The following GRIK2 variants were observed in gnomAD, a reference collection of about 807,000 sequenced individuals.
The protein encoded by GRIK2 is glutamate ionotropic receptor kainate type subunit 2.
Under a neutral mutation model 100.3 loss-of-function variants are expected in GRIK2, and 32 were observed. That is an observed-to-expected ratio of 0.32 (90% CI 0.24 to 0.43). GRIK2 has a LOEUF of 0.43. Among genes scored for constraint, GRIK2 ranks in the 20% least tolerant of loss-of-function variants. GRIK2 has a pLI of 1.00. For missense variants in GRIK2, 843 were observed against 1,114.9 expected, an observed-to-expected ratio of 0.76 and a Z score of 3.47; for synonymous variants, 417 against 389.4, an observed-to-expected ratio of 1.07 and a Z score of -0.83.
intron 2 of GRIK2, among the ~76,000 whole-genome samples, chr6:101,421,389 G>A (rs974461795): frequency 6.6e-6 from 1 of 152,212 alleles, no homozygotes; most frequent in African/African-American, 2.4e-5. Flanking sequence ...AGAGGAGGAA[G>A]CAGGGGTCAT....
At chr6:101,901,291 A>G (rs1055259953) in intron 12 of GRIK2, among the ~76,000 whole-genome samples, 24 of 151,928 alleles carry the variant, frequency 1.6e-4, no homozygotes, top group Admixed American at 1.5e-3. Flanking sequence ...GGTGTTTTAG[A>G]AAAAAAATGT....
At chr6:101,695,465 A>G (rs1035360950) in intron 7 of GRIK2, among the ~76,000 whole-genome samples, 8 of 152,260 alleles carry the variant, frequency 5.3e-5, no homozygotes, top group African/African-American at 1.9e-4. Context: ...CATAGCACGC[A>G]CTTTTGTGAA....
At chr6:101,989,704 C>A (rs1389834733) in intron 14 of GRIK2, among the ~76,000 whole-genome samples, 1 of 151,498 alleles carries the variant, frequency 6.6e-6, no homozygotes, top group East Asian at 1.9e-4. Flanking sequence ...TTGGTTTCTT[C>A]AATACACCAT....
chr6:101,909,927 TA>T (rs1788553520), intron 12 of GRIK2, among the ~76,000 whole-genome samples: 1 of 151,194 alleles, frequency 6.6e-6, no homozygotes, highest in Non-Finnish European at 1.5e-5. Flanking sequence ...AATGCAGCAC[TA>T]TCAGAAATAA....
Position 101,928,697 on chromosome 6 carries a change from C to G in GRIK2, c.2085+65C>G, listed in dbSNP as rs1258390941. On this transcript the variant is annotated intron_variant, in intron 14 of 16. Transcript: ENST00000369134. ...GATAGAGCGCAAACTTCTCTCGATT[C>G]ACAAATGTAAGAGTGTAACAACGCC... 6.2e-6 allele frequency: 5 copies of G among 805,132 alleles called. No individual in the cohort carries two copies. In the East Asian group the frequency reaches 1.2e-4, roughly 20 times the overall value. The allele number at this position is 805,132 out of a possible 1,614,324, so 49.9% of individuals were successfully genotyped here.
At chr6:102,057,037 G>A (rs1483352820) in intron 16 of GRIK2, among the ~76,000 whole-genome samples, 3 of 151,884 alleles carry the variant, frequency 2.0e-5, no homozygotes, top group Non-Finnish European at 4.4e-5. Flanking sequence ...TTTTTAAAGT[G>A]TCAAAATGAA....
intron 15 of GRIK2, among the ~76,000 whole-genome samples, chr6:102,042,838 T>TAATA (rs1770665406): frequency 6.6e-6 from 1 of 151,760 alleles, no homozygotes; most frequent in African/African-American, 2.4e-5. Context: ...TTTCATGGTT[T>TAATA]AATACTCAAG....
intron 10 of GRIK2, among the ~76,000 whole-genome samples, chr6:101,850,319 T>C (rs1784061538): frequency 6.6e-6 from 1 of 152,016 alleles, no homozygotes; most frequent in Non-Finnish European, 1.5e-5. Context: ...TGGAAGAGTG[T>C]TGGGACAGAG....
At chr6:101,530,831 G>C (rs1775405409) in intron 2 of GRIK2, among the ~76,000 whole-genome samples, 2 of 151,964 alleles carry the variant, frequency 1.3e-5, no homozygotes, top group South Asian at 4.1e-4. Context: ...GTGCAGCAGA[G>C]ACACCATAAG....
At chr6:101,988,118 TGTGTGTGTGTGTGTGCGCGC>T (rs1348653095) in intron 14 of GRIK2, among the ~76,000 whole-genome samples, 10 of 45,802 alleles carry the variant, frequency 2.2e-4, no homozygotes, top group African/African-American at 9.4e-4. Context: ...TGTGTGTGTG[TGTGTGTGTGTGTGTGCGCGC>T]GCGCGCGCGC....
intron 5 of GRIK2, among the ~76,000 whole-genome samples, chr6:101,679,767 T>C (rs1177187255): frequency 6.6e-6 from 1 of 152,158 alleles, no homozygotes; most frequent in Admixed American, 6.6e-5. Context: ...TTTGATGGAG[T>C]CTGGCTCTGT....
chr6:101,980,690 A>G (rs1793659429), intron 14 of GRIK2, among the ~76,000 whole-genome samples: 1 of 151,856 alleles, frequency 6.6e-6, no homozygotes, highest in Admixed American at 6.6e-5. Flanking sequence ...GGATTTCTAA[A>G]TATCTAATAA....
At chr6:101,443,025 C>T (rs1255722860) in intron 2 of GRIK2, among the ~76,000 whole-genome samples, 3 of 152,090 alleles carry the variant, frequency 2.0e-5, no homozygotes, top group Non-Finnish European at 4.4e-5. Flanking sequence ...CCACTACCTC[C>T]ATTTGCATCA....
chr6:101,436,554 C>T (rs185954052), intron 2 of GRIK2, among the ~76,000 whole-genome samples: 1 of 151,944 alleles, frequency 6.6e-6, no homozygotes. Context: ...TATGTTACCC[C>T]CACTCTTACT....
At chr6:101,575,218 G>T (rs1777739150) in intron 2 of GRIK2, among the ~76,000 whole-genome samples, 1 of 151,710 alleles carries the variant, frequency 6.6e-6, no homozygotes. Context: ...TGGTAACATT[G>T]TACTAAGATA....
intron 2 of GRIK2, among the ~76,000 whole-genome samples, chr6:101,439,406 T>A (rs1769921241): frequency 6.6e-6 from 1 of 152,136 alleles, no homozygotes; most frequent in Non-Finnish European, 1.5e-5. Context: ...AAGTCTTCAT[T>A]ACACAAGTAT....
At chr6:101,615,524 G>A (rs1284214946) in intron 2 of GRIK2, among the ~76,000 whole-genome samples, 1 of 151,692 alleles carries the variant, frequency 6.6e-6, no homozygotes, top group East Asian at 1.9e-4. Context: ...AGATCATATA[G>A]GTCTTATGAG....
chr6:101,776,261 C>T (rs1778740001), intron 7 of GRIK2, among the ~76,000 whole-genome samples: 1 of 152,106 alleles, frequency 6.6e-6, no homozygotes, highest in Non-Finnish European at 1.5e-5. Context: ...TGAACACAGT[C>T]AATGGCCTAA....
chr6:101,699,082 T>G (rs1562318863), intron 7 of GRIK2, among the ~76,000 whole-genome samples: 1 of 152,138 alleles, frequency 6.6e-6, no homozygotes, highest in African/African-American at 2.4e-5. Flanking sequence ...TCAGCACATA[T>G]GTACTCTATT....
Sources: allele counts gnomAD v4.1 joint callset (sites outside exome capture counted in the v4.1 genomes callset), GRCh38; gene constraint gnomAD v4.1.1; transcripts MANE v1.5; gene names NCBI Gene and HGNC (gene_info 2026-07-23, HGNC 2026-07-21).